The following PPP3CA variants were observed in gnomAD, a reference collection of about 807,000 sequenced individuals.
The protein encoded by PPP3CA is CAM-PRP catalytic subunit.
PPP3CA carries 14 observed loss-of-function variants against 66.5 expected under a neutral mutation model. That is an observed-to-expected ratio of 0.21 (90% CI 0.14 to 0.33). The LOEUF is 0.33. Among genes scored for constraint, PPP3CA ranks in the 10% least tolerant of loss-of-function variants. PPP3CA has a pLI of 1.00. For missense variants in PPP3CA, 317 were observed against 639.5 expected (o/e 0.50, Z 5.44); for synonymous variants, 232 against 226.2 (o/e 1.03, Z -0.23).
At chr4:101,201,694 A>C (rs1578549512) in intron 1 of PPP3CA, among the ~76,000 whole-genome samples, 1 of 152,356 alleles carries the variant, frequency 6.6e-6, no homozygotes, top group South Asian at 2.1e-4. Context: ...TGTGTGAACA[A>C]GGACTGTCAA....
chr4:101,215,942 G>A (rs1725439611), intron 1 of PPP3CA, among the ~76,000 whole-genome samples: 1 of 152,038 alleles, frequency 6.6e-6, no homozygotes, highest in Non-Finnish European at 1.5e-5. Context: ...AAAGCACTAA[G>A]GAGTGAAGAG....
chr4:101,299,682 A>T (rs1647067902), intron 1 of PPP3CA, among the ~76,000 whole-genome samples: 1 of 152,330 alleles, frequency 6.6e-6, no homozygotes, highest in East Asian at 1.9e-4. Flanking sequence ...GGAATGCTAA[A>T]GGACAGACAC....
intron 1 of PPP3CA, among the ~76,000 whole-genome samples, chr4:101,250,962 G>A (rs989011737): frequency 2.6e-5 from 4 of 152,052 alleles, no homozygotes; most frequent in African/African-American, 9.6e-5. Flanking sequence ...AAGAAAAAAA[G>A]AAAGGTTGTT....
intron 10 of PPP3CA, among the ~76,000 whole-genome samples, chr4:101,041,918 T>A (rs1032787813): frequency 1.3e-5 from 2 of 149,510 alleles, no homozygotes; most frequent in African/African-American, 5.1e-5. Flanking sequence ...TTGAGTCAAG[T>A]AATTTGCTCA....
At chr4:101,338,611 C>T (rs137926315) in intron 1 of PPP3CA, among the ~76,000 whole-genome samples, 75 of 152,284 alleles carry the variant, frequency 4.9e-4, no homozygotes, top group African/African-American at 1.7e-3. Context: ...CAGCAACATG[C>T]TCTTATCAAG....
chr4:101,039,099 G>A (rs972795175), intron 11 of PPP3CA, among the ~76,000 whole-genome samples: 1 of 145,646 alleles, frequency 6.9e-6, no homozygotes, highest in Non-Finnish European at 1.5e-5. Context: ...CTTCATATAC[G>A]CCTTTGTCCC....
chr4:101,322,025 C>T (rs1017000223), intron 1 of PPP3CA, among the ~76,000 whole-genome samples: 23 of 152,104 alleles, frequency 1.5e-4, no homozygotes, highest in African/African-American at 4.8e-4. Context: ...ACACTTCTGC[C>T]CCAGAACCCT....
chr4:101,205,641 T>C (rs1725108080), intron 1 of PPP3CA, among the ~76,000 whole-genome samples: 1 of 152,144 alleles, frequency 6.6e-6, no homozygotes, highest in Non-Finnish European at 1.5e-5. Flanking sequence ...GGCCAACACA[T>C]TTTCCATGCC....
chr4:101,226,264 G>A (rs112409272), intron 1 of PPP3CA, among the ~76,000 whole-genome samples: 22 of 151,646 alleles, frequency 1.5e-4, no homozygotes, highest in African/African-American at 5.3e-4. Flanking sequence ...AGGTACTTGC[G>A]CACACCTGTC....
At chr4:101,038,717 T>A (rs1727372349) in intron 11 of PPP3CA, among the ~76,000 whole-genome samples, 1 of 152,200 alleles carries the variant, frequency 6.6e-6, no homozygotes, top group Non-Finnish European at 1.5e-5. Context: ...GCATTCCAAT[T>A]TGGTATCTAG....
At chr4:101,147,500 T>C (rs1378775242) in intron 2 of PPP3CA, among the ~76,000 whole-genome samples, 2 of 152,088 alleles carry the variant, frequency 1.3e-5, no homozygotes, top group Non-Finnish European at 2.9e-5. Flanking sequence ...CCTATTACAG[T>C]GAAGAGAAAA....
intron 2 of PPP3CA, among the ~76,000 whole-genome samples, chr4:101,164,431 A>G (rs989096369): frequency 2.0e-5 from 3 of 152,180 alleles, no homozygotes; most frequent in African/African-American, 7.2e-5. Flanking sequence ...TACCTCAAAT[A>G]CTTGTTGAAT....
At chr4:101,301,631 T>C (rs1728379885) in intron 1 of PPP3CA, among the ~76,000 whole-genome samples, 1 of 148,864 alleles carries the variant, frequency 6.7e-6, no homozygotes, top group Admixed American at 6.7e-5. Flanking sequence ...TAGCTAGGAT[T>C]TACAGGCACT....
chr4:101,233,486 T>A (rs539990833), intron 1 of PPP3CA, among the ~76,000 whole-genome samples: 5 of 151,922 alleles, frequency 3.3e-5, no homozygotes, highest in African/African-American at 1.2e-4. Flanking sequence ...CAGTTCAGGA[T>A]AATGTTTATT....
chr4:101,309,334 A>G (rs1381345407), intron 1 of PPP3CA, among the ~76,000 whole-genome samples: 1 of 152,192 alleles, frequency 6.6e-6, no homozygotes, highest in Non-Finnish European at 1.5e-5. Flanking sequence ...ATATTATAAA[A>G]TGACAAAGCT....
Position 101,089,087 on chromosome 4 carries a change from C to G in PPP3CA, c.782+4689G>C, listed in dbSNP as rs186646607. 1.4e-3 allele frequency among the ~76,000 whole-genome samples: 218 copies of G among 152,148 alleles called. 3 individuals are homozygous for G. Among genetic ancestry groups the G allele is most frequent in the Non-Finnish European group, 2.9e-4 (20 of 68,016 alleles). ...TCCCTAGAAAAGAAGTTCCAGCAGACAACTAGACATACAGGAATTGAGCTC... is the reference window on the plus strand; with the variant it reads ...TCCCTAGAAAAGAAGTTCCAGCAGAGAACTAGACATACAGGAATTGAGCTC... On this transcript the variant is annotated intron_variant, in intron 6 of 13. Transcript: ENST00000394854.
intron 1 of PPP3CA, among the ~76,000 whole-genome samples, chr4:101,318,970 G>T (rs1206520269): frequency 2.0e-5 from 3 of 151,864 alleles, no homozygotes; most frequent in Non-Finnish European, 4.4e-5. Flanking sequence ...TTCTACACAG[G>T]TTTGCTCTTC....
intron 1 of PPP3CA, among the ~76,000 whole-genome samples, chr4:101,289,016 A>T (rs1380841416): frequency 6.6e-6 from 1 of 151,974 alleles, no homozygotes; most frequent in Non-Finnish European, 1.5e-5. Context: ...CGTAGGAGGA[A>T]AAAAACAAGC....
At chr4:101,039,292 A>G (rs1727398385) in intron 11 of PPP3CA, among the ~76,000 whole-genome samples, 1 of 144,978 alleles carries the variant, frequency 6.9e-6, no homozygotes, top group Non-Finnish European at 1.5e-5. Context: ...TGTTGACCAC[A>G]CACTAAAAGA....
Sources: gnomAD v4.1 joint callset for allele counts (sites outside exome capture counted in the v4.1 genomes callset) on GRCh38, gnomAD v4.1.1 for gene constraint, MANE v1.5 for transcripts, NCBI Gene and HGNC (gene_info 2026-07-23, HGNC 2026-07-21) for gene names.